The following ZC3H12B variants were observed in gnomAD, a reference collection of about 807,000 sequenced individuals.
ZC3H12B encodes probable ribonuclease ZC3H12B.
Under a neutral mutation model 43.9 loss-of-function variants are expected in ZC3H12B, and 7 were observed. The observed-to-expected ratio is 0.16, with a 90% confidence interval of 0.09 to 0.30. The LOEUF is 0.30. Ranked by LOEUF, ZC3H12B falls within the 10% of genes least tolerant of loss-of-function variation. The pLI is 1.00. For synonymous variants in ZC3H12B, 222 were observed against 241.7 expected (o/e 0.92, Z 0.76); for missense variants, 475 against 670.2 (o/e 0.71, Z 3.22).
chrX:65,274,104 C>A, the ZC3H12B span, among the ~76,000 whole-genome samples: 1 of 111,992 alleles, frequency 8.9e-6, no homozygotes, highest in Admixed American at 9.4e-5. Context: ...ACTGGATCTT[C>A]CTGGAGTCAG....
intron 3 of ZC3H12B, among the ~76,000 whole-genome samples, chrX:65,442,828 G>A (rs1189824094): frequency 1.8e-5 from 2 of 111,723 alleles, no homozygotes; most frequent in Admixed American, 1.9e-4. Flanking sequence ...CTTGATCTGG[G>A]GGGTGTATTC....
chrX:65,230,341 A>T, the ZC3H12B span, among the ~76,000 whole-genome samples: 1 of 108,808 alleles, frequency 9.2e-6, no homozygotes, highest in Non-Finnish European at 1.9e-5. Context: ...CAATGAGCTC[A>T]CATGGACGCA....
the ZC3H12B span, among the ~76,000 whole-genome samples, chrX:65,138,688 A>C: frequency 1.4e-4 from 16 of 111,958 alleles, no homozygotes; most frequent in East Asian, 4.5e-3. Flanking sequence ...TGGCTGCATT[A>C]ATTTGTTTCT....
the ZC3H12B span, among the ~76,000 whole-genome samples, chrX:65,100,784 T>C: frequency 1.8e-5 from 2 of 109,642 alleles, no homozygotes; most frequent in Non-Finnish European, 3.8e-5. Context: ...AGACTTAGAC[T>C]CCCACACAAT....
the ZC3H12B span, among the ~76,000 whole-genome samples, chrX:65,201,981 C>A: frequency 1.0e-5 from 1 of 99,743 alleles, no homozygotes; most frequent in Non-Finnish European, 2.0e-5. Context: ...TTTCCTGAGG[C>A]CTCCTTAGCC....
At chrX:65,426,622 CT>C (rs2067087437) in intron 3 of ZC3H12B, among the ~76,000 whole-genome samples, 1 of 110,921 alleles carries the variant, frequency 9.0e-6, no homozygotes. Flanking sequence ...ATAAATTTCC[CT>C]CTTAACACTG....
intron 3 of ZC3H12B, among the ~76,000 whole-genome samples, chrX:65,432,912 T>A (rs1009562829): frequency 8.9e-6 from 1 of 112,046 alleles, no homozygotes; most frequent in Admixed American, 9.5e-5. Flanking sequence ...CAGTGTGGTA[T>A]CTAGTGGAAG....
intron 3 of ZC3H12B, among the ~76,000 whole-genome samples, chrX:65,425,633 C>A (rs952732780): frequency 7.2e-5 from 8 of 111,009 alleles, no homozygotes; most frequent in African/African-American, 2.3e-4. Context: ...GATGTATGTT[C>A]CTTCAATACC....
the ZC3H12B span, among the ~76,000 whole-genome samples, chrX:65,307,007 G>A: frequency 1.8e-5 from 2 of 112,483 alleles, no homozygotes; most frequent in African/African-American, 6.5e-5. Context: ...AGTGGGTATG[G>A]TGAGAGGCTG....
the ZC3H12B span, among the ~76,000 whole-genome samples, chrX:65,171,191 T>C: frequency 1.8e-5 from 2 of 111,095 alleles, no homozygotes; most frequent in East Asian, 2.8e-4. Flanking sequence ...CTTTTGTCTT[T>C]GATGATGGTG....
chrX:65,166,633 A>C, the ZC3H12B span, among the ~76,000 whole-genome samples: 1 of 111,844 alleles, frequency 8.9e-6, no homozygotes, highest in Non-Finnish European at 1.9e-5. Context: ...GTCTTCCACA[A>C]TGGTTGAACT....
At chrX:65,299,172 A>C in the ZC3H12B span, among the ~76,000 whole-genome samples, 4 of 112,352 alleles carry the variant, frequency 3.6e-5, no homozygotes, top group Non-Finnish European at 5.6e-5. Context: ...GAAAGCATGA[A>C]GTTCAGATGG....
At chrX:65,485,411 G>A (rs894519309), upstream of ZC3H12B, among the ~76,000 whole-genome samples, 1 of 111,666 alleles carries the variant, frequency 9.0e-6, no homozygotes, top group African/African-American at 3.3e-5. Context: ...ATGCCACCAT[G>A]CCTGACTAAT....
the ZC3H12B span, among the ~76,000 whole-genome samples, chrX:65,236,707 T>C: frequency 6.2e-5 from 7 of 112,457 alleles, no homozygotes; most frequent in Non-Finnish European, 1.3e-4. Flanking sequence ...TTACTCCATC[T>C]TGAGTTAATT....
chrX:65,425,329 T>G (rs973152735), intron 3 of ZC3H12B, among the ~76,000 whole-genome samples: 2 of 111,658 alleles, frequency 1.8e-5, no homozygotes, highest in South Asian at 7.6e-4. Context: ...ATCCTGAAAC[T>G]TTGCTGAAGT....
the ZC3H12B span, among the ~76,000 whole-genome samples, chrX:65,335,616 A>G: frequency 1.8e-5 from 2 of 111,796 alleles, no homozygotes; most frequent in Non-Finnish European, 3.8e-5. Context: ...ACAGATATCA[A>G]ATGAGAAACG....
At chrX:65,412,067 C>T (rs1330357507) in intron 3 of ZC3H12B, among the ~76,000 whole-genome samples, 2 of 111,021 alleles carry the variant, frequency 1.8e-5, no homozygotes, top group Admixed American at 9.5e-5. Flanking sequence ...CAGTGTTGTG[C>T]AACCATTTCT....
chrX:65,331,652 A>G, the ZC3H12B span, among the ~76,000 whole-genome samples: 11 of 110,811 alleles, frequency 9.9e-5, no homozygotes, highest in African/African-American at 2.3e-4. Context: ...TGGCTACTCT[A>G]TAAGCAGAGC....
At chrX:65,186,172 C>T in the ZC3H12B span, 15 of 111,232 alleles carry the variant, frequency 1.3e-4, no homozygotes, top group African/African-American at 4.6e-4. Flanking sequence ...TTACAAAGCC[C>T]TAGTTGCTAT....
Sources: gnomAD v4.1 joint callset for allele counts (sites outside exome capture counted in the v4.1 genomes callset) on GRCh38, gnomAD v4.1.1 for gene constraint, MANE v1.5 for transcripts, NCBI Gene and HGNC (gene_info 2026-07-23, HGNC 2026-07-21) for gene names.